ENOX1: variants seen among roughly 807,000 people sequenced by gnomAD.
ENOX1 encodes ecto-NOX disulfide-thiol exchanger 1.
A neutral mutation model predicts 82.5 loss-of-function variants in ENOX1; 42 were observed. The ratio of observed to expected loss-of-function variants is 0.51; its 90% CI spans 0.40 to 0.66. ENOX1 has a LOEUF of 0.66. ENOX1 is among the 30% of genes least tolerant of loss of function. ENOX1 has a pLI of 0.00. For missense variants in ENOX1, 608 were observed against 811.6 expected, an observed-to-expected ratio of 0.75 and a Z score of 3.05; for synonymous variants, 271 against 282.2, an observed-to-expected ratio of 0.96 and a Z score of 0.40.
chr13:43,489,359 G>T (rs1566361837), intron 2 of ENOX1, among the ~76,000 whole-genome samples: 1 of 152,184 alleles, frequency 6.6e-6, no homozygotes, highest in Non-Finnish European at 1.5e-5. Context: ...AGCTGCAGCT[G>T]TAAACCCTGG....
At chr13:43,435,611 C>T (rs1167788918) in intron 3 of ENOX1, among the ~76,000 whole-genome samples, 3 of 152,202 alleles carry the variant, frequency 2.0e-5, no homozygotes, top group African/African-American at 7.2e-5. Context: ...ACACAACCTA[C>T]ATATTTCATT....
chr13:43,448,876 A>G (rs2153629224), intron 3 of ENOX1, among the ~76,000 whole-genome samples: 1 of 152,370 alleles, frequency 6.6e-6, no homozygotes, highest in Admixed American at 6.5e-5. Flanking sequence ...AAAACGGGTA[A>G]CATACCTTGG....
At chr13:43,355,698 GC>G (rs2050103001) in intron 8 of ENOX1, among the ~76,000 whole-genome samples, 1 of 152,168 alleles carries the variant, frequency 6.6e-6, no homozygotes, top group African/African-American at 2.4e-5. Context: ...TCTGTCCCAG[GC>G]AGAAGATGAA....
intron 2 of ENOX1, among the ~76,000 whole-genome samples, chr13:43,490,526 A>G (rs1162664250): frequency 6.6e-6 from 1 of 152,198 alleles, no homozygotes; most frequent in Non-Finnish European, 1.5e-5. Flanking sequence ...AGGTGTTGGC[A>G]ATGTGATATT....
chr13:43,463,694 A>G (rs967135563), intron 3 of ENOX1, among the ~76,000 whole-genome samples: 1 of 152,234 alleles, frequency 6.6e-6, no homozygotes, highest in African/African-American at 2.4e-5. Flanking sequence ...TATGTTGTAC[A>G]CATGCCGGCT....
At chr13:43,742,248 C>T (rs1009961615) in intron 1 of ENOX1, among the ~76,000 whole-genome samples, 2 of 151,940 alleles carry the variant, frequency 1.3e-5, no homozygotes, top group South Asian at 2.1e-4. Context: ...GTCCCATGAT[C>T]GACATGCTGG....
At chr13:43,360,332 T>C (rs1005929441) in intron 6 of ENOX1, among the ~76,000 whole-genome samples, 2 of 152,076 alleles carry the variant, frequency 1.3e-5, no homozygotes, top group Non-Finnish European at 2.9e-5. Flanking sequence ...TCATTTCTCC[T>C]TTATACTACA....
At chr13:43,354,378 G>A (rs1433537588) in intron 8 of ENOX1, among the ~76,000 whole-genome samples, 1 of 152,142 alleles carries the variant, frequency 6.6e-6, no homozygotes, top group Non-Finnish European at 1.5e-5. Context: ...TGGTTACGGT[G>A]CGGGTATTTC....
At chr13:43,452,057 A>G (rs1412879137) in intron 3 of ENOX1, among the ~76,000 whole-genome samples, 1 of 152,210 alleles carries the variant, frequency 6.6e-6, no homozygotes, top group East Asian at 1.9e-4. Context: ...TTCCACACTT[A>G]CTTTTTCCTT....
intron 11 of ENOX1, among the ~76,000 whole-genome samples, chr13:43,308,811 ACT>A (rs1466617013): frequency 6.6e-6 from 1 of 151,910 alleles, no homozygotes; most frequent in Non-Finnish European, 1.5e-5. Flanking sequence ...ACCAGCATCA[ACT>A]CTCCACATTG....
At chr13:43,497,289 G>A (rs1193765630) in intron 2 of ENOX1, among the ~76,000 whole-genome samples, 1 of 151,932 alleles carries the variant, frequency 6.6e-6, no homozygotes, top group Non-Finnish European at 1.5e-5. Context: ...GCATTGGTTA[G>A]GACCTCCAGT....
chr13:43,679,557 A>G (rs2085681886), intron 1 of ENOX1, among the ~76,000 whole-genome samples: 1 of 152,214 alleles, frequency 6.6e-6, no homozygotes, highest in African/African-American at 2.4e-5. Context: ...GATAAAAACT[A>G]TTTGTAGTTT....
chr13:43,605,704 T>C (rs548816285), intron 2 of ENOX1, among the ~76,000 whole-genome samples: 54 of 152,282 alleles, frequency 3.5e-4, no homozygotes, highest in Non-Finnish European at 6.8e-4. Flanking sequence ...GTGAAACTAC[T>C]ACAAGAAAAC....
chr13:43,561,725 C>G (rs960345254), intron 2 of ENOX1, among the ~76,000 whole-genome samples: 2 of 151,982 alleles, frequency 1.3e-5, no homozygotes, highest in African/African-American at 4.8e-5. Flanking sequence ...CACAGTGGCT[C>G]ATGCCTGTAA....
Position 43,703,444 on chromosome 13 carries a change from C to T in ENOX1, c.-284-35900G>A, listed in dbSNP as rs567607768. Among the ~76,000 whole-genome samples, 6 of 152,228 alleles carry T rather than the reference C, an allele frequency of 3.9e-5. No homozygotes were observed. The East Asian group carries it at 9.7e-4, about 24-fold the overall frequency. Reference sequence around the variant, plus strand: ...ATTCCCCTGAGTGAAGACTGCTTTTCGGGGCCATAAATCCAGGCAGCTTTA... The same window carrying T: ...ATTCCCCTGAGTGAAGACTGCTTTTTGGGGCCATAAATCCAGGCAGCTTTA... On this transcript the variant is annotated intron_variant, in intron 1 of 16. Transcript: ENST00000690772.
chr13:43,397,751 G>A (rs1212519348), intron 5 of ENOX1, among the ~76,000 whole-genome samples: 1 of 152,168 alleles, frequency 6.6e-6, no homozygotes, highest in East Asian at 1.9e-4. Context: ...GTTCAATCAT[G>A]TTTTTCTTGA....
At chr13:43,657,475 C>T (rs1432644760) in intron 2 of ENOX1, among the ~76,000 whole-genome samples, 1 of 152,152 alleles carries the variant, frequency 6.6e-6, no homozygotes, top group African/African-American at 2.4e-5. Context: ...TGGCCATCAG[C>T]TTCCTCAAGG....
chr13:43,449,410 G>A (rs1422878689), intron 3 of ENOX1, among the ~76,000 whole-genome samples: 1 of 152,132 alleles, frequency 6.6e-6, no homozygotes, highest in Non-Finnish European at 1.5e-5. Flanking sequence ...GGCTAGTTAT[G>A]GGGAGCAAAA....
intron 3 of ENOX1, among the ~76,000 whole-genome samples, chr13:43,416,377 C>G (rs1439529250): frequency 2.0e-5 from 3 of 147,048 alleles, no homozygotes; most frequent in Admixed American, 6.7e-5. Context: ...GCGCTCCTCA[C>G]ATCCCAGACG....
Sources: allele counts gnomAD v4.1 joint callset (sites outside exome capture counted in the v4.1 genomes callset), GRCh38; gene constraint gnomAD v4.1.1; transcripts MANE v1.5; gene names NCBI Gene and HGNC (gene_info 2026-07-23, HGNC 2026-07-21).